Variants in IL1RAPL1 observed in about 807,000 individuals in gnomAD.
IL1RAPL1 encodes interleukin 1 receptor accessory protein like 1.
A neutral mutation model predicts 48.4 loss-of-function variants in IL1RAPL1; 3 were observed. That is an observed-to-expected ratio of 0.06 (90% CI 0.03 to 0.16). The LOEUF is 0.16. Ranked by LOEUF, IL1RAPL1 falls within the 10% of genes least tolerant of loss-of-function variation. The pLI is 1.00. For missense variants in IL1RAPL1, 349 were observed against 530.6 expected (o/e 0.66, Z 3.36); for synonymous variants, 185 against 187.7 (o/e 0.99, Z 0.12).
At chrX:29,813,473 G>A (rs1042304663) in intron 6 of IL1RAPL1, among the ~76,000 whole-genome samples, 5 of 111,428 alleles carry the variant, frequency 4.5e-5, no homozygotes, top group African/African-American at 1.3e-4. Context: ...TTTGCTTGGG[G>A]CTTTATTTGT....
chrX:29,946,895 A>T (rs1025738505), intron 9 of IL1RAPL1, among the ~76,000 whole-genome samples: 1 of 112,209 alleles, frequency 8.9e-6, no homozygotes, highest in African/African-American at 3.2e-5. Flanking sequence ...TAAGTAATTC[A>T]TATGTCTTGA....
intron 6 of IL1RAPL1, among the ~76,000 whole-genome samples, chrX:29,819,284 A>G (rs780943162): frequency 5.4e-5 from 6 of 111,981 alleles, no homozygotes; most frequent in Non-Finnish European, 1.1e-4. Context: ...GATGAAAAAA[A>G]AGCACAGACT....
intron 2 of IL1RAPL1, among the ~76,000 whole-genome samples, chrX:29,160,617 T>C (rs1465618296): frequency 8.9e-6 from 1 of 112,587 alleles, no homozygotes; most frequent in Non-Finnish European, 1.9e-5. Context: ...TGTTCATCTA[T>C]GCCACAAATG....
In IL1RAPL1 at chrX:28,769,082, G is replaced by A. The variant is rs375036075; in HGVS notation, c.-24-20238G>A. Among the ~76,000 whole-genome samples, 14 of 108,107 alleles carry A rather than the reference G, an allele frequency of 1.3e-4. No homozygotes were observed. In the South Asian group the frequency reaches 4.8e-3, roughly 37 times the overall value. The allele number at this position is 108,107 out of a possible 115,157, so 93.9% of individuals were successfully genotyped here. Reference sequence around the variant, plus strand: ...CACAAAGATGAATTATTTTAGACCTGATGTGAAAAGAAATGATGGTGTAAG... The same window carrying A: ...CACAAAGATGAATTATTTTAGACCTAATGTGAAAAGAAATGATGGTGTAAG... On this transcript the variant is annotated intron_variant, in intron 1 of 10. Coordinates refer to ENST00000378993, the MANE Select transcript of IL1RAPL1 (RefSeq NM_014271.4).
Position 29,132,260 on chromosome X carries a change from ATG to A in IL1RAPL1, c.83-150677_83-150676del, listed in dbSNP as rs1249596907. Among the ~76,000 whole-genome samples, 661 of 111,928 alleles carry A rather than the reference ATG, an allele frequency of 5.9e-3. 6 individuals carry two copies. The highest frequency in any genetic ancestry group is 0.02 in the African/African-American group (621 of 30,878). The stretch of plus-strand genomic sequence containing the variant: ...ACAATGTGCTTATTAATACAGTCAT[ATG>A]CCACATAATGACATTTTGGTCAATG... On this transcript the variant is annotated intron_variant, in intron 2 of 10. Coordinates refer to ENST00000378993, the MANE Select transcript of IL1RAPL1 (RefSeq NM_014271.4).
intron 2 of IL1RAPL1, among the ~76,000 whole-genome samples, chrX:28,935,258 C>T (rs946858697): frequency 9.0e-6 from 1 of 111,206 alleles, no homozygotes; most frequent in Non-Finnish European, 1.9e-5. Flanking sequence ...ATAGCCCTTA[C>T]ATTTAGTTAA....
At chrX:29,145,629 C>T (rs969922404) in intron 2 of IL1RAPL1, among the ~76,000 whole-genome samples, 3 of 111,625 alleles carry the variant, frequency 2.7e-5, no homozygotes, top group African/African-American at 9.8e-5. Context: ...CTCTCCAACA[C>T]GAGACAGGCC....
At chrX:29,441,913 C>T (rs1044350411) in intron 5 of IL1RAPL1, among the ~76,000 whole-genome samples, 1 of 111,366 alleles carries the variant, frequency 9.0e-6, no homozygotes. Flanking sequence ...TCCTGTGTAC[C>T]CTTTGTATAA....
intron 2 of IL1RAPL1, among the ~76,000 whole-genome samples, chrX:29,250,688 A>G (rs1415206322): frequency 3.6e-5 from 4 of 111,827 alleles, no homozygotes; most frequent in Non-Finnish European, 7.5e-5. Flanking sequence ...GGGTATTTAG[A>G]TAAAACCAGG....
chrX:28,718,418 A>G (rs1935530219), intron 1 of IL1RAPL1, among the ~76,000 whole-genome samples: 1 of 112,079 alleles, frequency 8.9e-6, no homozygotes, highest in Non-Finnish European at 1.9e-5. Flanking sequence ...GATTTATTTC[A>G]TTGATTCCTT....
intron 6 of IL1RAPL1, among the ~76,000 whole-genome samples, chrX:29,790,658 C>T (rs528070169): frequency 1.8e-5 from 2 of 111,531 alleles, no homozygotes; most frequent in East Asian, 5.6e-4. Context: ...TTGGTTTTTC[C>T]TCTCCTACTG....
chrX:28,708,490 A>G (rs1056177468), intron 1 of IL1RAPL1, among the ~76,000 whole-genome samples: 1 of 111,700 alleles, frequency 9.0e-6, no homozygotes, highest in Non-Finnish European at 1.9e-5. Flanking sequence ...AAGTAAATCA[A>G]TATATCAAAG....
At chrX:29,103,559 G>C (rs760306822) in intron 2 of IL1RAPL1, among the ~76,000 whole-genome samples, 11 of 107,860 alleles carry the variant, frequency 1.0e-4, no homozygotes, top group South Asian at 3.7e-4. Context: ...ACATTGGACT[G>C]GGCAAAGATT....
intron 2 of IL1RAPL1, among the ~76,000 whole-genome samples, chrX:29,281,972 C>G (rs1932209143): frequency 9.0e-6 from 1 of 111,484 alleles, no homozygotes; most frequent in Admixed American, 9.6e-5. Flanking sequence ...CACATGATCT[C>G]TTTTTTGTAA....
At chrX:29,106,450 T>A (rs1445562180) in intron 2 of IL1RAPL1, among the ~76,000 whole-genome samples, 1 of 108,963 alleles carries the variant, frequency 9.2e-6, no homozygotes, top group East Asian at 2.8e-4. Context: ...AAAAAAATTA[T>A]TTTTTCTAAA....
intron 2 of IL1RAPL1, among the ~76,000 whole-genome samples, chrX:28,996,432 G>A (rs1395620147): frequency 9.0e-6 from 1 of 111,378 alleles, no homozygotes; most frequent in Admixed American, 9.6e-5. Context: ...TTTTGTACAA[G>A]TCTTTGTATG....
Position 29,360,733 on chromosome X carries a change from C to T in IL1RAPL1, c.363-35525C>T, listed in dbSNP as rs1365035473. Among the ~76,000 whole-genome samples, 3 of 111,785 alleles carry T rather than the reference C, an allele frequency of 2.7e-5. No homozygotes were observed. In the East Asian group the frequency reaches 8.4e-4, roughly 31 times the overall value. ...TAAGCACTAAATCGAAGTCCAAAACCATATCTGCTTTTTATCCCAGTACTT... is the reference window on the plus strand; with the variant it reads ...TAAGCACTAAATCGAAGTCCAAAACTATATCTGCTTTTTATCCCAGTACTT... On this transcript the variant is annotated intron_variant, in intron 3 of 10. Transcript: ENST00000378993.
chrX:28,796,653 C>T (rs1936614826), intron 2 of IL1RAPL1, among the ~76,000 whole-genome samples: 2 of 111,556 alleles, frequency 1.8e-5, no homozygotes, highest in African/African-American at 6.5e-5. Context: ...CAGCTCTACC[C>T]CCGTGGCTTT....
chrX:28,837,120 G>A (rs1222546584), intron 2 of IL1RAPL1, among the ~76,000 whole-genome samples: 3 of 111,010 alleles, frequency 2.7e-5, no homozygotes, highest in East Asian at 2.8e-4. Flanking sequence ...TTTGATATGC[G>A]TATACATTGT....
Sources: gnomAD v4.1 joint callset for allele counts (sites outside exome capture counted in the v4.1 genomes callset) on GRCh38, gnomAD v4.1.1 for gene constraint, MANE v1.5 for transcripts, NCBI Gene and HGNC (gene_info 2026-07-23, HGNC 2026-07-21) for gene names.